Variants in HPCAL1 observed in about 807,000 individuals in gnomAD.
HPCAL1 encodes the protein hippocalcin like 1.
HPCAL1 carries 8 observed loss-of-function variants against 17.1 expected under a neutral mutation model. The observed-to-expected ratio is 0.47, with a 90% CI of 0.27 to 0.84. HPCAL1 has a LOEUF of 0.84. HPCAL1 is among the 40% of genes least tolerant of loss of function. The probability of loss-of-function intolerance (pLI) is 0.13; values close to 1 mark genes in which losing one functional copy is unlikely to be tolerated. For synonymous variants in HPCAL1, 112 were observed against 111.4 expected, an observed-to-expected ratio of 1.01 and a Z score of -0.03; for missense variants, 165 against 271.1, an observed-to-expected ratio of 0.61 and a Z score of 2.75.
chr2:10,403,379 G>A (rs1669752032), intron 2 of HPCAL1, among the ~76,000 whole-genome samples: 2 of 151,948 alleles, frequency 1.3e-5, no homozygotes, highest in Non-Finnish European at 2.9e-5. Context: ...CAGGGTGTGT[G>A]ACATAGCCAC....
intron 2 of HPCAL1, among the ~76,000 whole-genome samples, chr2:10,407,936 T>C (rs1333192745): frequency 6.6e-6 from 1 of 152,192 alleles, no homozygotes; most frequent in African/African-American, 2.4e-5. Context: ...AGAGCAGTTG[T>C]AGGGGCTGGG....
chr2:10,364,838 G>A (rs1266448487), intron 1 of HPCAL1, among the ~76,000 whole-genome samples: 1 of 152,058 alleles, frequency 6.6e-6, no homozygotes, highest in Non-Finnish European at 1.5e-5. Flanking sequence ...TCCTGCCTCG[G>A]CCTCCCAGAG....
At chr2:10,366,669 G>T (rs1331005280) in intron 1 of HPCAL1, among the ~76,000 whole-genome samples, 1 of 152,136 alleles carries the variant, frequency 6.6e-6, no homozygotes, top group East Asian at 1.9e-4. Flanking sequence ...TCCGACTCCC[G>T]CCCTGCAGCT....
chr2:10,413,828 T>C (rs1670494653), intron 2 of HPCAL1, among the ~76,000 whole-genome samples: 1 of 152,244 alleles, frequency 6.6e-6, no homozygotes, highest in Admixed American at 6.5e-5. Context: ...TGGTTTTCAC[T>C]GAGGTGAGTG....
intron 2 of HPCAL1, among the ~76,000 whole-genome samples, chr2:10,400,140 GAGC>G (rs1180865110): frequency 8.5e-5 from 13 of 152,188 alleles, no homozygotes; most frequent in Non-Finnish European, 1.9e-4. Flanking sequence ...TCTAGCTAAG[GAGC>G]AGCTGGTGCA....
Position 10,359,688 on chromosome 2 carries a change from G to A in HPCAL1, c.-110-37147G>A, listed in dbSNP as rs1666403196. Among the ~76,000 whole-genome samples the A allele has an allele frequency of 6.6e-6, 1 of 152,222 alleles. No homozygotes were observed. The highest frequency in any genetic ancestry group is 2.4e-5 in the African/African-American group (1 of 41,462). Reference sequence around the variant, plus strand: ...CTGGCGGTCCCACCTCCAAATGCAGGCAGACCACACTCCCTGAAGGGCAGT... The same window carrying A: ...CTGGCGGTCCCACCTCCAAATGCAGACAGACCACACTCCCTGAAGGGCAGT... On this transcript the variant is annotated intron_variant, in intron 1 of 4. Transcript: ENST00000307845. The surrounding 1 kb of genome is among the most constrained non-coding windows in gnomAD (Gnocchi z 4.1).
intron 1 of HPCAL1, among the ~76,000 whole-genome samples, chr2:10,316,842 C>G (rs1663347566): frequency 6.6e-6 from 1 of 152,120 alleles, no homozygotes; most frequent in African/African-American, 2.4e-5. Flanking sequence ...GTCTACTGTT[C>G]ATATTTATGG....
Position 10,302,971 on chromosome 2 carries a change from C to G in HPCAL1, c.-317C>G, listed in dbSNP as rs1016562790. 6.6e-6 allele frequency: 1 copy of G among 151,956 alleles called. No homozygotes were observed. The highest frequency in any genetic ancestry group is 1.5e-5 in the Non-Finnish European group (1 of 68,010). 9.4% of individuals were successfully genotyped at this position (151,956 alleles called of 1,614,324 possible). ...CGGGCGCCTCCACCTTGCTCCCTCCCTGGCTGCCGGCTTCCTTTTGTCTTT... is the reference window on the plus strand; with the variant it reads ...CGGGCGCCTCCACCTTGCTCCCTCCGTGGCTGCCGGCTTCCTTTTGTCTTT... On this transcript the variant is annotated 5_prime_UTR_variant, in exon 1 of 5. Coordinates refer to ENST00000307845, the MANE Select transcript of HPCAL1 (RefSeq NM_002149.4).
chr2:10,371,857 G>A (rs772280510), intron 1 of HPCAL1, among the ~76,000 whole-genome samples: 3 of 152,156 alleles, frequency 2.0e-5, no homozygotes, highest in Non-Finnish European at 2.9e-5. Context: ...GGCTTTGTCC[G>A]GGGGGTTTTC....
chr2:10,333,438 G>T (rs1422954292), intron 1 of HPCAL1, among the ~76,000 whole-genome samples: 1 of 152,152 alleles, frequency 6.6e-6, no homozygotes, highest in Non-Finnish European at 1.5e-5. Context: ...GCAGCCTCTT[G>T]GCACCTCTCG....
chr2:10,337,565 G>T (rs1324253288), intron 1 of HPCAL1, among the ~76,000 whole-genome samples: 1 of 152,080 alleles, frequency 6.6e-6, no homozygotes, highest in Non-Finnish European at 1.5e-5. Flanking sequence ...GCCTCCCTGT[G>T]GGGTTGCAGG....
At position 10,419,980 on chromosome 2, in the gene HPCAL1, A is replaced by G. The variant is rs1172048336; in HGVS notation, c.223A>G (p.Asn75Asp). 2 of 1,613,878 alleles carry G rather than the reference A, an allele frequency of 1.2e-6. No homozygotes were observed. The highest frequency in any genetic ancestry group is 1.7e-6 in the Non-Finnish European group (2 of 1,179,972). Residue 75 changes from asparagine to aspartate, a missense_variant, in exon 3 of 5, where the codon AAC becomes GAC. Coordinates refer to ENST00000307845, the MANE Select transcript of HPCAL1 (RefSeq NM_002149.4). This position sits in a 1 kb window ranked among gnomAD's most constrained non-coding sequence, Gnocchi z 5.0. ...GCACGTCTTCCGCACCTTCGACACC[A>G]ACGGCGACGGCACCATCGACTTCCG... ...AEHVFRTFDT[N>D]GDGTIDFREF...
At chr2:10,401,586 T>G (rs9917245) in intron 2 of HPCAL1, among the ~76,000 whole-genome samples, 83,698 of 151,848 alleles carry the variant, frequency 0.55, 23,412 homozygotes, top group South Asian at 0.66. Flanking sequence ...AAGTTGTCTG[T>G]AAGGAGCGCC....
At chr2:10,373,238 C>G (rs1667336746) in intron 1 of HPCAL1, among the ~76,000 whole-genome samples, 1 of 152,186 alleles carries the variant, frequency 6.6e-6, no homozygotes, top group African/African-American at 2.4e-5. Flanking sequence ...TTTGGGCCAG[C>G]AGGACTCAGA....
At chr2:10,385,806 C>T (rs897036202) in intron 1 of HPCAL1, among the ~76,000 whole-genome samples, 7 of 152,246 alleles carry the variant, frequency 4.6e-5, no homozygotes, top group African/African-American at 1.7e-4. Context: ...TCTGTAGGCT[C>T]CTGATTAAGT....
At chr2:10,329,936 C>G (rs913991005) in intron 1 of HPCAL1, among the ~76,000 whole-genome samples, 1 of 152,168 alleles carries the variant, frequency 6.6e-6, no homozygotes, top group Non-Finnish European at 1.5e-5. Flanking sequence ...GGATGCAGGC[C>G]GAGGCCATAT....
chr2:10,335,983 C>G (rs148519859), intron 1 of HPCAL1, among the ~76,000 whole-genome samples: 1,121 of 102,600 alleles, frequency 0.011, 15 homozygotes, highest in African/African-American at 0.036. Flanking sequence ...ATATCCTCTG[C>G]TGTAAATTAA....
In HPCAL1 at chr2:10,419,936, A is replaced by T; in HGVS notation, c.179A>T (p.Asp60Val). 6.2e-7 allele frequency: 1 copy of T among 1,613,930 alleles called. No homozygotes were observed. Among genetic ancestry groups the T allele is most frequent in the Non-Finnish European group, 8.5e-7 (1 of 1,180,006 alleles). ...KIYANFFPYG[D>V]ASKFAEHVFR... ...TACGCCAACTTCTTCCCCTACGGCGACGCTTCCAAGTTCGCCGAGCACGTC... is the reference window on the plus strand; with the variant it reads ...TACGCCAACTTCTTCCCCTACGGCGTCGCTTCCAAGTTCGCCGAGCACGTC... Residue 60 changes from aspartate (D) to valine (V), a missense_variant, in exon 3 of 5, where the codon GAC (aspartate) becomes GTC (valine). Asp to Val is a radical substitution (Grantham distance 152). Transcript: ENST00000307845. The surrounding 1 kb of genome is among the most constrained non-coding windows in gnomAD (Gnocchi z 5.0).
intron 1 of HPCAL1, among the ~76,000 whole-genome samples, chr2:10,390,825 G>A (rs570394052): frequency 1.1e-4 from 17 of 152,296 alleles, no homozygotes; most frequent in Admixed American, 5.9e-4. Flanking sequence ...AAATGGCCCC[G>A]GAACCATAAC....
Sources: gnomAD v4.1 joint callset for allele counts (sites outside exome capture counted in the v4.1 genomes callset) on GRCh38, gnomAD v4.1.1 for gene constraint, Gnocchi (gnomAD v3.1) non-coding constraint, MANE v1.5 for transcripts, NCBI Gene and HGNC (gene_info 2026-07-23, HGNC 2026-07-21) for gene names.